Variants in AFAP1L2 observed in about 807,000 individuals in gnomAD.
AFAP1L2 encodes the protein actin filament-associated protein 1-like 2.
In AFAP1L2, 46 loss-of-function variants were observed where a neutral mutation model predicts 99.3. That is an observed-to-expected ratio of 0.46 (90% CI 0.37 to 0.59). The LOEUF (loss-of-function observed/expected upper bound fraction) is 0.59. AFAP1L2 is among the 20% of genes least tolerant of loss of function. The pLI is 0.00. For synonymous variants in AFAP1L2, 397 were observed against 419.1 expected, an observed-to-expected ratio of 0.95 and a Z score of 0.64; for missense variants, 959 against 1,034.9, an observed-to-expected ratio of 0.93 and a Z score of 1.01.
chr10:114,364,209 AG>A (rs2136676246), intron 1 of AFAP1L2, among the ~76,000 whole-genome samples: 1 of 152,310 alleles, frequency 6.6e-6, no homozygotes, highest in African/African-American at 2.4e-5. Flanking sequence ...TGTCCAGGTC[AG>A]GGAAGGGGCC....
chr10:114,394,228 G>A (rs2057454140), intron 1 of AFAP1L2, among the ~76,000 whole-genome samples: 1 of 152,210 alleles, frequency 6.6e-6, no homozygotes, highest in African/African-American at 2.4e-5. Flanking sequence ...CAGGCCATGA[G>A]AAGTGACACC....
At chr10:114,296,788 C>T in intron 18 of AFAP1L2, 190 bp downstream of exon 18, 2 of 857,930 alleles carry the variant, frequency 2.3e-6, no homozygotes, top group Non-Finnish European at 3.5e-6. Context: ...AGTGCAGACA[C>T]CTTTCTGGTT....
At chr10:114,314,911 G>A (rs1751364119) in intron 6 of AFAP1L2, among the ~76,000 whole-genome samples, 1 of 152,212 alleles carries the variant, frequency 6.6e-6, no homozygotes, top group Admixed American at 6.5e-5. Context: ...GGGAGGCTGA[G>A]GCAGGCAGAT....
chr10:114,352,419 A>G (rs1476199160), intron 1 of AFAP1L2, among the ~76,000 whole-genome samples: 1 of 145,060 alleles, frequency 6.9e-6, no homozygotes. Context: ...GGTTGCAGTG[A>G]TCCAAGATGG....
chr10:114,358,982 T>G (rs995916451), intron 1 of AFAP1L2, among the ~76,000 whole-genome samples: 2 of 152,198 alleles, frequency 1.3e-5, no homozygotes, highest in Non-Finnish European at 2.9e-5. Flanking sequence ...ACTGTTCGCC[T>G]AGATTCGTAT....
At chr10:114,281,886 G>T in the AFAP1L2 span, 2 of 280,814 alleles carry the variant, frequency 7.1e-6, no homozygotes, top group Non-Finnish European at 1.1e-5. Flanking sequence ...CAGTTGCCCA[G>T]TTCCCAATAT....
chr10:114,363,205 T>C (rs1564987751), intron 1 of AFAP1L2: 1 of 981,540 alleles, frequency 1.0e-6, no homozygotes, highest in Non-Finnish European at 1.2e-6. Flanking sequence ...TCTTGAAATG[T>C]ATGCTGGACT....
Position 114,331,151 on chromosome 10 carries a change from A to G in AFAP1L2, c.315+652T>C, listed in dbSNP as rs142432043. Among the ~76,000 whole-genome samples, 1,028 of 149,122 alleles carry G rather than the reference A, an allele frequency of 6.9e-3. 15 individuals are homozygous for G. Among genetic ancestry groups the G allele is most frequent in the African/African-American group, 0.024 (987 of 40,822 alleles). On this transcript the variant is annotated intron_variant, in intron 4 of 18. Coordinates refer to ENST00000304129, the MANE Select transcript of AFAP1L2 (RefSeq NM_001001936.3). ...CCCTGAGGCCATGCTAAGGAACGGG[A>G]TTTTTTTTTTTCTATGTTTAATAAG...
chr10:114,396,746 T>G (rs1490990825), intron 1 of AFAP1L2, among the ~76,000 whole-genome samples: 2 of 152,230 alleles, frequency 1.3e-5, no homozygotes, highest in Non-Finnish European at 2.9e-5. Context: ...GGTGGGAACC[T>G]GAGTCTAATG....
chr10:114,307,400 G>A (rs2042600485), intron 10 of AFAP1L2, among the ~76,000 whole-genome samples: 1 of 152,008 alleles, frequency 6.6e-6, no homozygotes, highest in Admixed American at 6.6e-5. Context: ...ATGGCACAGT[G>A]CGTGCTTATG....
intron 16 of AFAP1L2, among the ~76,000 whole-genome samples, chr10:114,299,049 G>A (rs952661253): frequency 3.3e-5 from 5 of 152,172 alleles, no homozygotes; most frequent in Admixed American, 1.3e-4. Flanking sequence ...TTGATGTTCC[G>A]TCAGAGGCTT....
chr10:114,307,228 T>C (rs1342111105), intron 10 of AFAP1L2, among the ~76,000 whole-genome samples: 1 of 152,036 alleles, frequency 6.6e-6, no homozygotes, highest in African/African-American at 2.4e-5. Flanking sequence ...GTCCCCTTCA[T>C]AGTCTCGGTT....
chr10:114,355,278 G>A lies in AFAP1L2; in HGVS notation c.17-14547C>T, dbSNP rs537769105. 1.1e-4 allele frequency among the ~76,000 whole-genome samples: 14 copies of A among 132,200 alleles called. 1 individual carries two copies. The highest frequency in any genetic ancestry group is 3.6e-4 in the Admixed American group (5 of 14,034). The allele number at this position is 132,200 out of a possible 152,430, so 86.7% of individuals were successfully genotyped here. The stretch of plus-strand genomic sequence containing the variant: ...TCTCTTTTTTTTTTTTTTTTGAGAC[G>A]GAGTCTCACTCTGTTGCCCAGGCTG... On this transcript the variant is annotated intron_variant, in intron 1 of 18. Coordinates refer to ENST00000304129, the MANE Select transcript of AFAP1L2 (RefSeq NM_001001936.3).
In AFAP1L2 at chr10:114,294,992, T is replaced by C. The variant is rs1340115893; in HGVS notation, c.*1050A>G. 37 of 956,858 alleles carry C rather than the reference T, an allele frequency of 3.9e-5. No homozygotes were observed. Among genetic ancestry groups the C allele is most frequent in the Non-Finnish European group, 4.5e-5 (37 of 820,274 alleles). 59.3% of individuals were successfully genotyped at this position (956,858 alleles called of 1,614,324 possible). Reference sequence around the variant, plus strand: ...CCCTCCAGAAATGAGGCAGAGATAATAGATGAAATGTTTCAACCTGTGTTA... The same window carrying C: ...CCCTCCAGAAATGAGGCAGAGATAACAGATGAAATGTTTCAACCTGTGTTA... On this transcript the variant is annotated 3_prime_UTR_variant, in exon 19 of 19. Coordinates refer to ENST00000304129, the MANE Select transcript of AFAP1L2 (RefSeq NM_001001936.3).
At chr10:114,289,574 C>A in the AFAP1L2 span, 5 of 1,460,482 alleles carry the variant, frequency 3.4e-6, no homozygotes, top group Admixed American at 6.9e-5. Context: ...ACGAGGATGG[C>A]AGCTCTTCCC....
chr10:114,319,705 A>G (rs1237504032), intron 5 of AFAP1L2: 14 of 1,195,178 alleles, frequency 1.2e-5, no homozygotes, highest in Non-Finnish European at 1.5e-5. Flanking sequence ...TGAAGAGAGG[A>G]GCACGCCCAA....
intron 6 of AFAP1L2, 29 bp downstream of exon 6, chr10:114,315,531 G>T: frequency 6.2e-7 from 1 of 1,610,236 alleles, no homozygotes. Flanking sequence ...AGAGGAGTCG[G>T]GGGACAAGAC....
chr10:114,293,472 C>T (rs2039786692), downstream of AFAP1L2, among the ~76,000 whole-genome samples: 1 of 152,162 alleles, frequency 6.6e-6, no homozygotes, highest in Admixed American at 6.5e-5. Context: ...AAATGGGTTT[C>T]TCGCCTTTGA....
intron 1 of AFAP1L2, among the ~76,000 whole-genome samples, chr10:114,379,759 A>T (rs763429103): frequency 2.0e-4 from 31 of 152,200 alleles, no homozygotes; most frequent in Non-Finnish European, 3.5e-4. Context: ...CTAATCCCAT[A>T]ACCCCCAAAC....
Sources: gnomAD v4.1 joint callset for allele counts (sites outside exome capture counted in the v4.1 genomes callset) on GRCh38, gnomAD v4.1.1 for gene constraint, MANE v1.5 for transcripts, NCBI Gene and HGNC (gene_info 2026-07-23, HGNC 2026-07-21) for gene names.